Variants in KCNK12 observed in about 807,000 individuals in gnomAD.
The protein encoded by KCNK12 is potassium two pore domain channel subfamily K member 12.
KCNK12 carries 6 observed loss-of-function variants against 25.3 expected under a neutral mutation model. The observed-to-expected ratio is 0.24, with a 90% CI of 0.13 to 0.47. The LOEUF (loss-of-function observed/expected upper bound fraction) is 0.47, where lower values mean the gene tolerates loss of function less well. Ranked by LOEUF, KCNK12 falls within the 20% of genes least tolerant of loss-of-function variation. KCNK12 has a pLI of 0.99. For synonymous variants in KCNK12, 331 were observed against 311.1 expected (o/e 1.06, Z -0.67); for missense variants, 444 against 661.7 (o/e 0.67, Z 3.61).
rs543094440 is a variant in KCNK12 at position 47,514,335 on chromosome 2, G to A, written c.*6572C>T. Among the ~76,000 whole-genome samples the A allele has an allele frequency of 1.1e-4, 17 of 152,178 alleles. No homozygotes were observed. The highest frequency in any genetic ancestry group is 2.2e-4 in the Non-Finnish European group (15 of 68,032). Reference sequence around the variant, plus strand: ...AGCCCTCAGCAGGCCGTACTGCAGCGCCCTGCCCCCGTCAGCCTCCAGGAG... The same window carrying A: ...AGCCCTCAGCAGGCCGTACTGCAGCACCCTGCCCCCGTCAGCCTCCAGGAG... On this transcript the variant is annotated 3_prime_UTR_variant, in exon 2 of 2. Transcript: ENST00000327876. The surrounding 1 kb of genome is among the most constrained non-coding windows in gnomAD (Gnocchi z 5.0).
Position 47,533,233 on chromosome 2 carries a change from A to G in KCNK12, c.392-11425T>C, listed in dbSNP as rs1479205040. Among the ~76,000 whole-genome samples, 3 of 107,276 alleles carry G rather than the reference A, an allele frequency of 2.8e-5. No individual in the cohort carries two copies. Among genetic ancestry groups the G allele is most frequent in the African/African-American group, 1.2e-4 (3 of 25,266 alleles). The allele number at this position is 107,276 out of a possible 152,430, so 70.4% of individuals were successfully genotyped here. On this transcript the variant is annotated intron_variant, in intron 1 of 1. Transcript: ENST00000327876. This position sits in a 1 kb window ranked among gnomAD's most constrained non-coding sequence, Gnocchi z 4.7. ...ACCATGTTGGCCAGGCTGGTCTCCA[A>G]CTCCTGACCTCAGGTGATCTGCCCA... is the stretch of plus-strand genomic sequence containing the variant.
At chr2:47,539,966 C>T (rs112778144) in intron 1 of KCNK12, among the ~76,000 whole-genome samples, 3,504 of 152,246 alleles carry the variant, frequency 0.023, 60 homozygotes, top group Non-Finnish European at 0.031. Context: ...GTTGATCCAG[C>T]CCCCACTACT....
intron 1 of KCNK12, among the ~76,000 whole-genome samples, chr2:47,526,148 A>C (rs1431833229): frequency 2.0e-5 from 3 of 151,952 alleles, no homozygotes; most frequent in African/African-American, 7.3e-5. Flanking sequence ...TAATCCCAGC[A>C]CTTTGGGAGG....
At chr2:47,537,582 G>C (rs1669104336) in intron 1 of KCNK12, among the ~76,000 whole-genome samples, 1 of 152,126 alleles carries the variant, frequency 6.6e-6, no homozygotes, top group South Asian at 2.1e-4. Flanking sequence ...GCCCGCCTCG[G>C]TCTCCCAAAG....
intron 1 of KCNK12, among the ~76,000 whole-genome samples, chr2:47,526,091 C>G (rs1486282218): frequency 6.6e-6 from 1 of 151,958 alleles, no homozygotes; most frequent in African/African-American, 2.4e-5. Flanking sequence ...ACTTAATTAA[C>G]AACAACAACA....
chr2:47,567,510 G>A (rs748341400), intron 1 of KCNK12, among the ~76,000 whole-genome samples: 1 of 152,228 alleles, frequency 6.6e-6, no homozygotes, highest in Non-Finnish European at 1.5e-5. Flanking sequence ...AGAGAAAGCT[G>A]AAATGCCAAT....
In KCNK12 at chr2:47,515,513, T is replaced by C. The variant is rs745385160; in HGVS notation, c.*5394A>G. On this transcript the variant is annotated 3_prime_UTR_variant, in exon 2 of 2. Coordinates refer to ENST00000327876, the MANE Select transcript of KCNK12 (RefSeq NM_022055.2). ...CCAGAATGGAAAATAGTGCATGATC[T>C]GTACAGTATAGTTGTAGAAAACTTC... is the stretch of plus-strand genomic sequence containing the variant. 6.6e-6 allele frequency among the ~76,000 whole-genome samples: 1 copy of C among 152,190 alleles called. No homozygotes were observed. Among genetic ancestry groups the C allele is most frequent in the Non-Finnish European group, 1.5e-5 (1 of 68,046 alleles).
chr2:47,552,386 T>G (rs1055352814), intron 1 of KCNK12, among the ~76,000 whole-genome samples: 11 of 152,004 alleles, frequency 7.2e-5, no homozygotes, highest in African/African-American at 2.7e-4. Context: ...CCTGCTTCAT[T>G]CCCCACTTCC....
At position 47,548,204 on chromosome 2, in the gene KCNK12, C is replaced by G. The variant is rs1053158480; in HGVS notation, c.391+21737G>C. 7.9e-5 allele frequency among the ~76,000 whole-genome samples: 12 copies of G among 152,166 alleles called. No individual in the cohort carries two copies. The highest frequency in any genetic ancestry group is 2.7e-4 in the African/African-American group (11 of 41,426). On this transcript the variant is annotated intron_variant, in intron 1 of 1. Transcript: ENST00000327876. This position sits in a 1 kb window ranked among gnomAD's most constrained non-coding sequence, Gnocchi z 4.4. ...TTCTTTTCTTTATAAATTACCCACT[C>G]TCAGGTATCTTCTTCAGTGATGATA...
rs1668590665 is a variant in KCNK12, at chr2:47,519,184, A to G, written c.*1723T>C. 6.6e-6 allele frequency: 1 copy of G among 152,240 alleles called. No homozygotes were observed. Among genetic ancestry groups the G allele is most frequent in the Admixed American group, 6.5e-5 (1 of 15,288 alleles). 9.4% of individuals were successfully genotyped at this position (152,240 alleles called of 1,614,324 possible). A position where few individuals can be genotyped will look rare whatever the true frequency, so the allele number is the denominator to read the frequency against. ...CAACTCAAATCAGAAATTACCCAAAATAGCTGGAGAGTCACTGAGATCTCA... is the reference window on the plus strand; with the variant it reads ...CAACTCAAATCAGAAATTACCCAAAGTAGCTGGAGAGTCACTGAGATCTCA... On this transcript the variant is annotated 3_prime_UTR_variant, in exon 2 of 2. Transcript: ENST00000327876.
At chr2:47,558,712 T>C (rs530827536) in intron 1 of KCNK12, among the ~76,000 whole-genome samples, 1 of 152,062 alleles carries the variant, frequency 6.6e-6, no homozygotes, top group Non-Finnish European at 1.5e-5. Flanking sequence ...TCACGCGGAG[T>C]GCGATTCGGA....
At chr2:47,541,020 G>A (rs1669186519) in intron 1 of KCNK12, among the ~76,000 whole-genome samples, 1 of 152,178 alleles carries the variant, frequency 6.6e-6, no homozygotes, top group Middle Eastern at 3.2e-3. Flanking sequence ...CTGGTTTCCT[G>A]AGGACACTTG....
At chr2:47,534,998 C>G (rs1164257029) in intron 1 of KCNK12, 3 of 226,882 alleles carry the variant, frequency 1.3e-5, no homozygotes, top group Admixed American at 5.7e-5. Context: ...CTCGTCCTTT[C>G]CATGGAGCTA....
rs374564167 is a variant in KCNK12, at chr2:47,551,052, G to A, written c.391+18889C>T. ...TCATGCTTCTTCTCAAAATCCTCCCGTGGCTCCCCATTTCACTCAGAGTAA... is the reference window on the plus strand; with the variant it reads ...TCATGCTTCTTCTCAAAATCCTCCCATGGCTCCCCATTTCACTCAGAGTAA... On this transcript the variant is annotated intron_variant, in intron 1 of 1. Coordinates refer to ENST00000327876, the MANE Select transcript of KCNK12 (RefSeq NM_022055.2). The surrounding 1 kb of genome is among the most constrained non-coding windows in gnomAD (Gnocchi z 5.3). 1.4e-4 allele frequency among the ~76,000 whole-genome samples: 22 copies of A among 151,964 alleles called. No individual in the cohort carries two copies. The East Asian group carries it at 3.1e-3, about 21-fold the overall frequency.
At position 47,515,366 on chromosome 2, in the gene KCNK12, C is replaced by G. The variant is rs1306190960; in HGVS notation, c.*5541G>C. ...TGCCTAGCGTTCCCTTATTGGAACA[C>G]TAAGTCTGTGAGAGTTATTTACATC... is the stretch of plus-strand genomic sequence containing the variant. On this transcript the variant is annotated 3_prime_UTR_variant, in exon 2 of 2. Coordinates refer to ENST00000327876, the MANE Select transcript of KCNK12 (RefSeq NM_022055.2). Among the ~76,000 whole-genome samples, 1 of 152,176 alleles carries G rather than the reference C, an allele frequency of 6.6e-6. No individual in the cohort carries two copies. The highest frequency in any genetic ancestry group is 1.5e-5 in the Non-Finnish European group (1 of 68,032).
rs931384057 is a variant in KCNK12, at chr2:47,566,434, G to GCA, written c.391+3505_391+3506dup. 6.6e-6 allele frequency: 1 copy of GCA among 151,722 alleles called. No homozygotes were observed. Among genetic ancestry groups the GCA allele is most frequent in the Non-Finnish European group, 1.5e-5 (1 of 67,884 alleles). 9.4% of individuals were successfully genotyped at this position (151,722 alleles called of 1,614,324 possible). The stretch of plus-strand genomic sequence containing the variant: ...TGTGCACGTGTGTACACACACACGT[G>GCA]CACACACACATACACACACTGGTGC... On this transcript the variant is annotated intron_variant, in intron 1 of 1. Transcript: ENST00000327876. This position sits in a 1 kb window ranked among gnomAD's most constrained non-coding sequence, Gnocchi z 4.1.
At chr2:47,550,734 T>C (rs548088765) in intron 1 of KCNK12, among the ~76,000 whole-genome samples, 12 of 152,162 alleles carry the variant, frequency 7.9e-5, no homozygotes, top group African/African-American at 2.9e-4. Flanking sequence ...TTTAAGGTGC[T>C]AAAAGAAACA....
intron 1 of KCNK12, among the ~76,000 whole-genome samples, chr2:47,532,728 C>G (rs759898359): frequency 6.6e-6 from 1 of 152,338 alleles, no homozygotes; most frequent in East Asian, 1.9e-4. Context: ...TTGCCTGGCA[C>G]TTTTAGGTGC....
Position 47,515,224 on chromosome 2 carries a change from A to C in KCNK12, c.*5683T>G, listed in dbSNP as rs1191514936. 6.6e-6 allele frequency among the ~76,000 whole-genome samples: 1 copy of C among 152,198 alleles called. No homozygotes were observed. The highest frequency in any genetic ancestry group is 1.5e-5 in the Non-Finnish European group (1 of 68,032). On this transcript the variant is annotated 3_prime_UTR_variant, in exon 2 of 2. Coordinates refer to ENST00000327876, the MANE Select transcript of KCNK12 (RefSeq NM_022055.2). ...AGCTAATGGGTCTTGGCTGGAAGCT[A>C]ACAGGAAGGCCTCTTTCCAGAAACA...
Sources: gnomAD v4.1 joint callset for allele counts (sites outside exome capture counted in the v4.1 genomes callset) on GRCh38, gnomAD v4.1.1 for gene constraint, Gnocchi (gnomAD v3.1) non-coding constraint, MANE v1.5 for transcripts, NCBI Gene and HGNC (gene_info 2026-07-23, HGNC 2026-07-21) for gene names.